DMD: variants seen among roughly 807,000 people sequenced by gnomAD.
The protein encoded by DMD is dystrophin, also known as mutant dystrophin.
DMD carries 63 observed loss-of-function variants against 330.1 expected under a neutral mutation model. The ratio of observed to expected loss-of-function variants is 0.19; its 90% confidence interval spans 0.16 to 0.24. The LOEUF (loss-of-function observed/expected upper bound fraction) is 0.24, where lower values mean the gene tolerates loss of function less well. Among genes scored for constraint, DMD ranks in the 10% least tolerant of loss-of-function variants. The pLI, the probability that DMD is intolerant of heterozygous loss-of-function variation, is 1.00. For missense variants in DMD, 3,344 were observed against 2,684.1 expected (o/e 1.25, Z -5.43); for synonymous variants, 1,223 against 959.8 (o/e 1.27, Z -5.07).
Position 31,430,020 on chromosome X carries a change from C to T in DMD, c.9084+14461G>A, listed in dbSNP as rs146509264. Among the ~76,000 whole-genome samples, 858 of 111,009 alleles carry T rather than the reference C, an allele frequency of 7.7e-3. 15 individuals are homozygous for T. Among genetic ancestry groups the T allele is most frequent in the African/African-American group, 0.026 (787 of 30,519 alleles). On this transcript the variant is annotated intron_variant, in intron 60 of 78. Coordinates refer to ENST00000357033, the MANE Select transcript of DMD (RefSeq NM_004006.3). ...AAGGATGCCTGTTTAGTTCTCTAGACGAGAAAAACCTTTCTCAGAAGGTCC... is the reference window on the plus strand; with the variant it reads ...AAGGATGCCTGTTTAGTTCTCTAGATGAGAAAAACCTTTCTCAGAAGGTCC...
chrX:31,538,018 T>G (rs1323297719), intron 55 of DMD, among the ~76,000 whole-genome samples: 2 of 112,380 alleles, frequency 1.8e-5, no homozygotes, highest in Non-Finnish European at 3.8e-5. Context: ...ACACAGTGAT[T>G]AATGCACGTA....
At chrX:33,146,965 G>C (rs1189202650) in intron 1 of DMD, among the ~76,000 whole-genome samples, 4 of 110,340 alleles carry the variant, frequency 3.6e-5, no homozygotes, top group African/African-American at 1.3e-4. Flanking sequence ...TGGGACTACA[G>C]GTGTGTGCTA....
At chrX:32,426,117 C>T (rs1183861729) in intron 29 of DMD, among the ~76,000 whole-genome samples, 3 of 111,810 alleles carry the variant, frequency 2.7e-5, no homozygotes, top group African/African-American at 9.8e-5. Context: ...AAAGCAAACA[C>T]TGACAAATGA....
intron 51 of DMD, among the ~76,000 whole-genome samples, chrX:31,750,590 C>G (rs1181180582): frequency 9.0e-6 from 1 of 110,891 alleles, no homozygotes; most frequent in Admixed American, 9.7e-5. Flanking sequence ...TGGCACAAGA[C>G]AGGGATGCCC....
intron 11 of DMD, among the ~76,000 whole-genome samples, chrX:32,615,003 G>C (rs1031238777): frequency 9.0e-6 from 1 of 110,879 alleles, no homozygotes; most frequent in Non-Finnish European, 1.9e-5. Flanking sequence ...CTGTAAAGGA[G>C]GCCAGGCTAC....
At chrX:32,773,201 G>A (rs1416675808) in intron 7 of DMD, among the ~76,000 whole-genome samples, 1 of 111,911 alleles carries the variant, frequency 8.9e-6, no homozygotes, top group East Asian at 2.8e-4. Context: ...AGAGCTGACT[G>A]AAAGCCTGGT....
chrX:31,685,635 A>G (rs1252195289), intron 52 of DMD, among the ~76,000 whole-genome samples: 1 of 112,380 alleles, frequency 8.9e-6, no homozygotes. Flanking sequence ...GTCAGGGCCC[A>G]TCTATCTGCC....
intron 1 of DMD, among the ~76,000 whole-genome samples, chrX:33,024,846 G>A (rs1450960476): frequency 9.0e-6 from 1 of 111,684 alleles, no homozygotes; most frequent in African/African-American, 3.3e-5. Flanking sequence ...AAGCCTTAGC[G>A]TCTTTAACTG....
intron 2 of DMD, among the ~76,000 whole-genome samples, chrX:32,886,345 T>C (rs1029200892): frequency 9.1e-6 from 1 of 109,827 alleles, no homozygotes; most frequent in Admixed American, 9.8e-5. Context: ...ATAATAATAA[T>C]TTTGCTAAGT....
At chrX:31,964,235 A>T (rs2095332170) in intron 45 of DMD, among the ~76,000 whole-genome samples, 2 of 111,588 alleles carry the variant, frequency 1.8e-5, no homozygotes, top group Admixed American at 1.9e-4. Flanking sequence ...GAAAGATGAG[A>T]CATTTTTTGA....
intron 1 of DMD, among the ~76,000 whole-genome samples, chrX:33,119,115 ACTTTACTTCCTTGAACTTTATTGAACAT>A (rs1274689952): frequency 1.8e-5 from 2 of 112,589 alleles, no homozygotes; most frequent in Admixed American, 9.4e-5. Flanking sequence ...GACACCTTAG[ACTTTACTTCCTTGAACTTTATTGAACAT>A]CTTTACTTCC....
At chrX:32,868,834 G>T in intron 2 of DMD, among the ~76,000 whole-genome samples, 1 of 112,298 alleles carries the variant, frequency 8.9e-6, no homozygotes, top group Middle Eastern at 4.7e-3. Context: ...TGGCTCTAAA[G>T]AATCCGGGAA....
intron 9 of DMD, among the ~76,000 whole-genome samples, chrX:32,680,363 T>C (rs1159482855): frequency 1.8e-5 from 2 of 111,630 alleles, no homozygotes; most frequent in Non-Finnish European, 3.8e-5. Flanking sequence ...TTGAATATTG[T>C]TTTTTTCAAA....
intron 2 of DMD, among the ~76,000 whole-genome samples, chrX:32,929,027 A>G (rs1053921271): frequency 2.7e-5 from 3 of 111,202 alleles, no homozygotes; most frequent in African/African-American, 9.8e-5. Context: ...GGATTTCGGG[A>G]TGGAGAAAGG....
intron 2 of DMD, among the ~76,000 whole-genome samples, chrX:32,908,087 C>T (rs1202152446): frequency 8.9e-6 from 1 of 111,770 alleles, no homozygotes; most frequent in African/African-American, 3.2e-5. Context: ...TGCTACGAGT[C>T]ACCCTTGACC....
intron 16 of DMD, among the ~76,000 whole-genome samples, chrX:32,558,452 G>A (rs940259733): frequency 9.0e-6 from 1 of 111,698 alleles, no homozygotes; most frequent in East Asian, 2.8e-4. Context: ...GATAATAGGC[G>A]TATCATACAG....
At chrX:31,329,601 T>A (rs1467107884) in intron 61 of DMD, among the ~76,000 whole-genome samples, 1 of 111,343 alleles carries the variant, frequency 9.0e-6, no homozygotes, top group Non-Finnish European at 1.9e-5. Flanking sequence ...GATGAGTAAG[T>A]TCTAGAGATC....
At chrX:33,018,664 T>G (rs1244977335) in intron 2 of DMD, among the ~76,000 whole-genome samples, 3 of 111,951 alleles carry the variant, frequency 2.7e-5, no homozygotes, top group African/African-American at 6.5e-5. Context: ...TTCAGAAAAT[T>G]TCTTCACAAT....
intron 7 of DMD, among the ~76,000 whole-genome samples, chrX:32,783,610 A>G (rs1054236739): frequency 9.1e-6 from 1 of 110,448 alleles, no homozygotes. Context: ...GTAACCCTGA[A>G]CCTAGAAATT....
Sources: allele counts gnomAD v4.1 joint callset (sites outside exome capture counted in the v4.1 genomes callset), GRCh38; gene constraint gnomAD v4.1.1; transcripts MANE v1.5; gene names NCBI Gene and HGNC (gene_info 2026-07-23, HGNC 2026-07-21).